NCOR2: variants seen among roughly 807,000 people sequenced by gnomAD.
The protein encoded by NCOR2 is CTG repeat protein 26.
NCOR2 carries 81 observed loss-of-function variants against 262.9 expected under a neutral mutation model. The ratio of observed to expected loss-of-function variants is 0.31; its 90% CI spans 0.26 to 0.37. The LOEUF (loss-of-function observed/expected upper bound fraction) is 0.37, where lower values mean the gene tolerates loss of function less well. Among genes scored for constraint, NCOR2 ranks in the 10% least tolerant of loss-of-function variants. NCOR2 has a pLI of 1.00. For missense variants in NCOR2, 3,385 were observed against 3,621.4 expected (o/e 0.93, Z 1.68); for synonymous variants, 1,659 against 1,559.3 (o/e 1.06, Z -1.51).
At chr12:124,351,604 C>A (rs1433088185) in intron 27 of NCOR2, among the ~76,000 whole-genome samples, 1 of 152,114 alleles carries the variant, frequency 6.6e-6, no homozygotes, top group African/African-American at 2.4e-5. Flanking sequence ...GAGATGGCCA[C>A]GTGGGGCAGC....
chr12:124,439,545 A>C (rs1468864662), intron 7 of NCOR2, among the ~76,000 whole-genome samples: 1 of 151,712 alleles, frequency 6.6e-6, no homozygotes, highest in African/African-American at 2.4e-5. Context: ...CCAGAGAGGG[A>C]AACAGGGACC....
intron 7 of NCOR2, among the ~76,000 whole-genome samples, chr12:124,438,239 T>A (rs2044485065): frequency 6.6e-6 from 1 of 151,558 alleles, no homozygotes; most frequent in Admixed American, 6.6e-5. Context: ...GGCAAGAGGG[T>A]TCCCAGAGCC....
intron 44 of NCOR2, 57 bp from the exon 47 acceptor site, chr12:124,327,690 A>T: frequency 3.1e-6 from 4 of 1,296,206 alleles, no homozygotes; most frequent in Non-Finnish European, 4.3e-6. Context: ...AGGGGGAGCC[A>T]GAGGGGCGAC....
intron 11 of NCOR2, among the ~76,000 whole-genome samples, chr12:124,423,046 G>A (rs1280151383): frequency 6.6e-6 from 1 of 152,344 alleles, no homozygotes; most frequent in East Asian, 1.9e-4. Flanking sequence ...CTGAGTGCCC[G>A]TGGGGCAGCA....
chr12:124,521,858 A>G (rs1174438706), intron 1 of NCOR2, among the ~76,000 whole-genome samples: 1 of 152,114 alleles, frequency 6.6e-6, no homozygotes, highest in Non-Finnish European at 1.5e-5. Context: ...TCTCTACTAA[A>G]AATACAAAAT....
rs1049999618 is a variant in NCOR2 at position 124,507,269 on chromosome 12, C to T, written c.-117-11901G>A. Among the ~76,000 whole-genome samples the T allele has an allele frequency of 7.9e-5, 12 of 152,188 alleles. No homozygotes were observed. In the East Asian group the frequency reaches 1.2e-3, roughly 15 times the overall value. ...TTGCCACATGAAAAGTGCTGGAGATCGGTTGCTAAACAATATGGCTATTCT... is the reference window on the plus strand; with the variant it reads ...TTGCCACATGAAAAGTGCTGGAGATTGGTTGCTAAACAATATGGCTATTCT... On this transcript the variant is annotated intron_variant, in intron 1 of 46. Transcript: ENST00000404621.
exon 11 of NCOR2, chr12:124,426,687 C>T (rs1354307013): frequency 1.9e-6 from 3 of 1,611,798 alleles, no homozygotes; most frequent in East Asian, 4.5e-5. Flanking sequence ...CTTTGTACAC[C>T]TTCATGGGGT....
chr12:124,413,357 T>A (rs2042691640), intron 13 of NCOR2, among the ~76,000 whole-genome samples: 1 of 152,096 alleles, frequency 6.6e-6, no homozygotes, highest in African/African-American at 2.4e-5. Flanking sequence ...TTCGGAAGGA[T>A]TAAGGTCGGA....
intron 1 of NCOR2, among the ~76,000 whole-genome samples, chr12:124,511,442 C>A (rs1296367892): frequency 1.3e-5 from 2 of 152,220 alleles, no homozygotes; most frequent in Non-Finnish European, 2.9e-5. Context: ...CAAGGGCACC[C>A]GGCAAACCTG....
intron 4 of NCOR2, among the ~76,000 whole-genome samples, chr12:124,472,456 G>A (rs1308434334): frequency 6.6e-6 from 1 of 152,120 alleles, no homozygotes; most frequent in African/African-American, 2.4e-5. Flanking sequence ...GCAGTTAGGA[G>A]GCCAGTCCAT....
chr12:124,405,909 G>C (rs2042249960), intron 13 of NCOR2, among the ~76,000 whole-genome samples: 1 of 152,190 alleles, frequency 6.6e-6, no homozygotes, highest in Non-Finnish European at 1.5e-5. Flanking sequence ...GCCACTGGGG[G>C]CCATGGTTCT....
chr12:124,533,498 A>C lies in NCOR2; in HGVS notation c.-118+2067T>G, dbSNP rs568724513. Among the ~76,000 whole-genome samples the C allele has an allele frequency of 1.6e-4, 24 of 151,290 alleles. 1 individual carries two copies. The East Asian group carries it at 4.7e-3, about 30-fold the overall frequency. On this transcript the variant is annotated intron_variant, in intron 1 of 46. Coordinates refer to the NCOR2 transcript ENST00000404621. ...ACCCACAGGCTCCCCAGACCCCTTC[A>C]CCACTTGTTCCTCAGCCTGGTGCTC...
At chr12:124,405,923 G>A (rs2042251044) in intron 13 of NCOR2, among the ~76,000 whole-genome samples, 1 of 152,184 alleles carries the variant, frequency 6.6e-6, no homozygotes, top group Admixed American at 6.5e-5. Flanking sequence ...TGGTTCTCAA[G>A]GTCCCATGAC....
chr12:124,372,748 C>A, intron 19 of NCOR2, 138 bp from the exon 22 acceptor site: 2 of 734,008 alleles, frequency 2.7e-6, no homozygotes, highest in Admixed American at 2.9e-5. Context: ...CACACCTGGG[C>A]TGCTGCCTAG....
chr12:124,554,589 G>A (rs1009727543), intron 1 of NCOR2, among the ~76,000 whole-genome samples: 9 of 152,238 alleles, frequency 5.9e-5, no homozygotes, highest in African/African-American at 1.4e-4. Flanking sequence ...GCACAGAGGC[G>A]GCCTGGACCC....
At chr12:124,474,883 C>T (rs1269917062) in intron 3 of NCOR2, among the ~76,000 whole-genome samples, 1 of 152,164 alleles carries the variant, frequency 6.6e-6, no homozygotes, top group East Asian at 1.9e-4. Flanking sequence ...CCACCACCTC[C>T]CCGCCCCCGC....
At chr12:124,515,052 C>A (rs2049637870) in intron 1 of NCOR2, among the ~76,000 whole-genome samples, 1 of 152,152 alleles carries the variant, frequency 6.6e-6, no homozygotes, top group South Asian at 2.1e-4. Context: ...CATGAGGCCC[C>A]CACAGGCCCT....
At chr12:124,456,422 C>T (rs781234414) in intron 6 of NCOR2, among the ~76,000 whole-genome samples, 4 of 152,212 alleles carry the variant, frequency 2.6e-5, no homozygotes, top group African/African-American at 4.8e-5. Context: ...CTCCAGGAGG[C>T]CTGGGGCCTG....
intron 41 of NCOR2, among the ~76,000 whole-genome samples, chr12:124,333,952 A>G (rs1229902773): frequency 3.3e-5 from 4 of 120,424 alleles, no homozygotes; most frequent in South Asian, 3.0e-4. Context: ...GTGGGTGTGC[A>G]CGTGTGTGTG....
Sources: gnomAD v4.1 joint callset for allele counts (sites outside exome capture counted in the v4.1 genomes callset) on GRCh38, gnomAD v4.1.1 for gene constraint, MANE v1.5 for transcripts, NCBI Gene and HGNC (gene_info 2026-07-23, HGNC 2026-07-21) for gene names.